Variants in CERT1 observed in about 807,000 individuals in gnomAD.
CERT1 encodes ceramide transfer protein.
Under a neutral mutation model 87.9 loss-of-function variants are expected in CERT1, and 31 were observed. That is an observed-to-expected ratio of 0.35 (90% CI 0.27 to 0.48). The LOEUF is 0.48. Ranked by LOEUF, CERT1 falls within the 20% of genes least tolerant of loss-of-function variation. The pLI, the probability that CERT1 is intolerant of heterozygous loss-of-function variation, is 0.99. For synonymous variants in CERT1, 289 were observed against 250.9 expected (o/e 1.15, Z -1.44); for missense variants, 487 against 758.0 (o/e 0.64, Z 4.20).
chr5:75,418,779 C>A (rs1763248565), intron 6 of CERT1, among the ~76,000 whole-genome samples: 3 of 152,056 alleles, frequency 2.0e-5, no homozygotes, highest in Admixed American at 1.3e-4. Flanking sequence ...AAAATGCAAA[C>A]TAATCTATAG....
intron 2 of CERT1, among the ~76,000 whole-genome samples, chr5:75,502,623 T>G (rs1767429563): frequency 6.6e-6 from 1 of 152,132 alleles, no homozygotes; most frequent in African/African-American, 2.4e-5. Flanking sequence ...CAAATCCTTG[T>G]ATAGTCCTAC....
chr5:75,452,809 A>AG (rs1174983625), intron 3 of CERT1, among the ~76,000 whole-genome samples: 1 of 152,194 alleles, frequency 6.6e-6, no homozygotes, highest in African/African-American at 2.4e-5. Flanking sequence ...ACAGCATGAA[A>AG]GATGGCTAAG....
At chr5:75,511,776 G>T (rs1207681877), upstream of CERT1, 2 of 1,551,522 alleles carry the variant, frequency 1.3e-6, no homozygotes, top group Non-Finnish European at 1.7e-6. Context: ...TCTCCCGGGT[G>T]ACGACGGGTA....
intron 3 of CERT1, among the ~76,000 whole-genome samples, chr5:75,455,422 T>C (rs1275624111): frequency 3.3e-5 from 5 of 152,182 alleles, no homozygotes; most frequent in Admixed American, 3.3e-4. Context: ...TATTTCTTAT[T>C]GGTAAAAATG....
intron 3 of CERT1, among the ~76,000 whole-genome samples, chr5:75,440,011 C>T (rs1764256355): frequency 6.6e-6 from 1 of 152,026 alleles, no homozygotes; most frequent in South Asian, 2.1e-4. Context: ...CAATTAGACA[C>T]ATTACTTATT....
chr5:75,396,673 G>C (rs1397023988), intron 11 of CERT1, among the ~76,000 whole-genome samples: 1 of 147,262 alleles, frequency 6.8e-6, no homozygotes, highest in African/African-American at 2.6e-5. Flanking sequence ...AGGGTGCAGT[G>C]AGCCAAGATC....
chr5:75,480,586 G>A (rs1766191175), intron 2 of CERT1, among the ~76,000 whole-genome samples: 1 of 152,092 alleles, frequency 6.6e-6, no homozygotes, highest in African/African-American at 2.4e-5. Context: ...CTCCAACTGG[G>A]CCCTCTTCCC....
At chr5:75,405,049 T>C (rs1762649344) in intron 8 of CERT1, among the ~76,000 whole-genome samples, 1 of 152,062 alleles carries the variant, frequency 6.6e-6, no homozygotes, top group South Asian at 2.1e-4. Context: ...ACAAAAATTC[T>C]ATTTTGCCAA....
At chr5:75,399,602 T>C (rs1199496377) in intron 10 of CERT1, among the ~76,000 whole-genome samples, 2 of 152,192 alleles carry the variant, frequency 1.3e-5, no homozygotes, top group African/African-American at 2.4e-5. Context: ...TACAAAGTAA[T>C]ACCATTTAAC....
At chr5:75,511,642 CCT>C (rs1768013085), upstream of CERT1, 3 of 1,503,798 alleles carry the variant, frequency 2.0e-6, no homozygotes, top group Admixed American at 6.3e-5. Flanking sequence ...CCTCCCCTCC[CCT>C]GTCCTTTCCC....
intron 2 of CERT1, among the ~76,000 whole-genome samples, chr5:75,459,728 G>A (rs917696803): frequency 1.3e-5 from 2 of 152,040 alleles, no homozygotes; most frequent in Admixed American, 1.3e-4. Flanking sequence ...ACTTTGGAAG[G>A]CCAAGGCAGG....
At chr5:75,377,324 T>A (rs757642785), downstream of CERT1, 1 of 152,220 alleles carries the variant, frequency 6.6e-6, no homozygotes, top group Non-Finnish European at 1.5e-5. Flanking sequence ...ATAACCTCTA[T>A]GAAAAGTAGT....
Position 75,386,041 on chromosome 5 carries a change from A to G in CERT1, c.1285-7T>C. 1 of 1,496,918 alleles carries G rather than the reference A, an allele frequency of 6.7e-7. No individual in the cohort carries two copies. The highest frequency in any genetic ancestry group is 8.9e-7 in the Non-Finnish European group (1 of 1,124,322). The allele number at this position is 1,496,918 out of a possible 1,614,324, so 92.7% of individuals were successfully genotyped here. A position where few individuals can be genotyped will look rare whatever the true frequency, so the allele number is the denominator to read the frequency against. On this transcript the variant is annotated splice_region_variant and splice_polypyrimidine_tract_variant and intron_variant, in intron 12 of 16. Transcript: ENST00000643780. ...CTACTTCTCTTCTGTATACCTAAAG[A>G]GAACATAATTCCAAAACTGTTTGAA... is the stretch of plus-strand genomic sequence containing the variant.
At chr5:75,382,309 A>G (rs1374011249) in intron 14 of CERT1, among the ~76,000 whole-genome samples, 1 of 152,206 alleles carries the variant, frequency 6.6e-6, no homozygotes, top group Non-Finnish European at 1.5e-5. Flanking sequence ...ATATACACGT[A>G]TAATTTGTCA....
intron 11 of CERT1, among the ~76,000 whole-genome samples, chr5:75,394,260 C>T (rs1319268227): frequency 6.6e-6 from 1 of 152,124 alleles, no homozygotes; most frequent in Non-Finnish European, 1.5e-5. Context: ...GTAATCCTAG[C>T]ACTTTGGGAG....
chr5:75,380,021 T>C (rs1287137945), intron 16 of CERT1, among the ~76,000 whole-genome samples: 1 of 152,216 alleles, frequency 6.6e-6, no homozygotes, highest in Non-Finnish European at 1.5e-5. Context: ...AAAATTAGTA[T>C]AGCACCACTT....
intron 11 of CERT1, among the ~76,000 whole-genome samples, chr5:75,391,589 T>C (rs1345386240): frequency 6.6e-6 from 1 of 152,226 alleles, no homozygotes; most frequent in Non-Finnish European, 1.5e-5. Context: ...TGTGCACCTT[T>C]ATAATTTCAG....
At chr5:75,464,122 A>C (rs1765352653) in intron 2 of CERT1, among the ~76,000 whole-genome samples, 1 of 152,314 alleles carries the variant, frequency 6.6e-6, no homozygotes, top group East Asian at 1.9e-4. Flanking sequence ...AAACTGGACC[A>C]GTTTCACAGG....
intron 3 of CERT1, among the ~76,000 whole-genome samples, chr5:75,456,598 G>A (rs892765672): frequency 4.8e-5 from 7 of 144,614 alleles, no homozygotes; most frequent in East Asian, 2.1e-4. Flanking sequence ...CGTTTGAACC[G>A]AGGAGGCAGA....
Sources: gnomAD v4.1 joint callset for allele counts (sites outside exome capture counted in the v4.1 genomes callset) on GRCh38, gnomAD v4.1.1 for gene constraint, MANE v1.5 for transcripts, NCBI Gene and HGNC (gene_info 2026-07-23, HGNC 2026-07-21) for gene names.